CFAP44: variants seen among roughly 807,000 people sequenced by gnomAD.
The protein encoded by CFAP44 is cilia- and flagella-associated protein 44.
Under a neutral mutation model 216.2 loss-of-function variants are expected in CFAP44, and 134 were observed. That is an observed-to-expected ratio of 0.62 (90% CI 0.54 to 0.72). The LOEUF is 0.72. Ranked by LOEUF, CFAP44 falls within the 30% of genes least tolerant of loss-of-function variation. The pLI is 0.00. For synonymous variants in CFAP44, 700 were observed against 727.6 expected, an observed-to-expected ratio of 0.96 and a Z score of 0.61; for missense variants, 2,035 against 2,182.1, an observed-to-expected ratio of 0.93 and a Z score of 1.34.
In CFAP44 at chr3:113,380,907, T is replaced by C. The variant is rs373556696; in HGVS notation, c.2044A>G (p.Lys682Glu). The C allele has an allele frequency of 6.3e-7, 1 of 1,578,240 alleles. No individual in the cohort carries two copies. The highest frequency in any genetic ancestry group is 1.4e-5 in the African/African-American group (1 of 73,416). ...TCAGGAATATTCCATACCAGAATCTTAGATTTGACACTTGAAAAATGGAAA... is the reference window on the plus strand; with the variant it reads ...TCAGGAATATTCCATACCAGAATCTCAGATTTGACACTTGAAAAATGGAAA... ...KCFHFSSVKS[K>E]ILRLIEIEKR... The change falls in exon 16 of 35, where the codon AAG becomes GAG. Residue 682 changes from lysine (K) to glutamate (E), a missense_variant. Around this residue, in one of 3 missense-constraint regions of CFAP44, gnomAD observed 1,883 missense variants for 2,023.7 expected, o/e 0.93. Transcript: ENST00000393845.
At chr3:113,385,867 C>A (rs1234441888) in intron 15 of CFAP44, among the ~76,000 whole-genome samples, 1 of 151,314 alleles carries the variant, frequency 6.6e-6, no homozygotes, top group Non-Finnish European at 1.5e-5. Flanking sequence ...TTGTCTCAAA[C>A]TCCTGACCTC....
At chr3:113,366,823 C>T (rs535823269) in intron 18 of CFAP44, among the ~76,000 whole-genome samples, 2 of 152,332 alleles carry the variant, frequency 1.3e-5, no homozygotes, top group South Asian at 2.1e-4. Context: ...GAAACTGTGA[C>T]AGACTGTACC....
intron 12 of CFAP44, among the ~76,000 whole-genome samples, 198 bp from the exon 13 acceptor site, chr3:113,400,198 T>C (rs1396380874): frequency 1.3e-5 from 2 of 152,148 alleles, no homozygotes; most frequent in Admixed American, 1.3e-4. Context: ...AAACAGATGA[T>C]TGACTGCTGG....
intron 11 of CFAP44, 58 bp from the exon 12 acceptor site, chr3:113,400,702 T>C (rs1306367193): frequency 1.4e-6 from 2 of 1,460,940 alleles, no homozygotes; most frequent in African/African-American, 1.4e-5. Flanking sequence ...AGAATTAAGA[T>C]CAAGTTTAAA....
chr3:113,304,107 A>G lies in CFAP44; in HGVS notation c.4886T>C (p.Val1629Ala). The G allele has an allele frequency of 6.5e-7, 1 of 1,536,996 alleles. No individual in the cohort carries two copies. The highest frequency in any genetic ancestry group is 8.7e-7 in the Non-Finnish European group (1 of 1,146,746). ...ATCGCTAGGTATTTCTCCAAATACCACATACTCTATCTACAAGCATAAAAC... is the reference window on the plus strand; with the variant it reads ...ATCGCTAGGTATTTCTCCAAATACCGCATACTCTATCTACAAGCATAAAAC... The part of the protein sequence containing the change: ...IPLKLHQIEY[V>A]VFGEIPSDLS... Residue 1629 changes from valine to alanine, a missense_variant, in exon 32 of 35, where the codon GTG (valine) becomes GCG (alanine). Physicochemically the swap from Val to Ala is moderately conservative, Grantham distance 64 (BLOSUM62 0). Transcript: ENST00000393845.
intron 24 of CFAP44, among the ~76,000 whole-genome samples, chr3:113,335,736 G>T (rs77337079): frequency 0.091 from 13,898 of 152,154 alleles, 841 homozygotes; most frequent in African/African-American, 0.16. Flanking sequence ...CAATCCTCTT[G>T]TCCTAATTGA....
chr3:113,396,543 C>G lies in CFAP44; in HGVS notation c.1754G>C (p.Arg585Pro). Residue 585 changes from arginine to proline, a missense_variant, in exon 14 of 35, where the codon CGT becomes CCT. Arg to Pro is a moderately radical substitution (Grantham distance 103, BLOSUM62 -2). Transcript: ENST00000393845. ...TACVTALAYE[R>P]DGEILATGSK... ...CCCTGTGGCTAGAATTTCCCCATCA[C>G]GTTCATAAGCTAAAGCAGTGACACA... 1.2e-6 allele frequency: 2 copies of G among 1,614,090 alleles called. No individual in the cohort carries two copies. Among genetic ancestry groups the G allele is most frequent in the Middle Eastern group, 3.3e-4 (2 of 6,062 alleles).
At chr3:113,376,871 G>A (rs773833370) in intron 17 of CFAP44, among the ~76,000 whole-genome samples, 1 of 152,156 alleles carries the variant, frequency 6.6e-6, no homozygotes, top group Admixed American at 6.6e-5. Context: ...GAATAGAAAA[G>A]ACAGAAACTG....
At chr3:113,326,877 C>T (rs1048303373) in intron 27 of CFAP44, among the ~76,000 whole-genome samples, 14 of 152,046 alleles carry the variant, frequency 9.2e-5, no homozygotes, top group Non-Finnish European at 2.9e-5. Flanking sequence ...TGCTAAGCAT[C>T]CCCCCAAAAT....
At chr3:113,352,194 A>T (rs190941170) in intron 22 of CFAP44, among the ~76,000 whole-genome samples, 1 of 152,290 alleles carries the variant, frequency 6.6e-6, no homozygotes, top group East Asian at 1.9e-4. Context: ...GTAAATGCAC[A>T]ATCAGCACTC....
chr3:113,384,215 C>T lies in CFAP44; in HGVS notation c.1891-3155G>A, dbSNP rs542947623. Among the ~76,000 whole-genome samples, 131 of 152,152 alleles carry T rather than the reference C, an allele frequency of 8.6e-4. 1 individual carries two copies. The highest frequency in any genetic ancestry group is 2.9e-3 in the African/African-American group (121 of 41,512). On this transcript the variant is annotated intron_variant, in intron 15 of 34. Transcript: ENST00000393845. ...GTGGGACTGCAGGTGCCCGCCACCA[C>T]GCCTGGGTAATTTTTTTGTATTTTT...
chr3:113,338,931 G>A (rs560890332), intron 24 of CFAP44, among the ~76,000 whole-genome samples: 2 of 152,252 alleles, frequency 1.3e-5, no homozygotes, highest in African/African-American at 2.4e-5. Flanking sequence ...TCTGCTGGGG[G>A]TGCCTCTGAG....
chr3:113,416,189 T>A (rs201754449), intron 6 of CFAP44, among the ~76,000 whole-genome samples: 1 of 40,614 alleles, frequency 2.5e-5, no homozygotes. Flanking sequence ...TGTTTTTTTG[T>A]TTTTTTTTCC....
intron 22 of CFAP44, among the ~76,000 whole-genome samples, chr3:113,356,518 T>TAAAGAGTTC (rs948718182): frequency 1.3e-5 from 2 of 152,106 alleles, no homozygotes; most frequent in African/African-American, 4.8e-5. Context: ...TGAGATAGAA[T>TAAAGAGTTC]AAAGAGTTCA....
intron 1 of CFAP44, among the ~76,000 whole-genome samples, chr3:113,439,043 G>A (rs1412721689): frequency 6.6e-6 from 1 of 152,224 alleles, no homozygotes; most frequent in African/African-American, 2.4e-5. Context: ...CTTTAAGGCA[G>A]TCGAAGTTTG....
chr3:113,394,174 G>A (rs944315298), intron 15 of CFAP44, among the ~76,000 whole-genome samples: 2 of 152,140 alleles, frequency 1.3e-5, no homozygotes, highest in Non-Finnish European at 2.9e-5. Context: ...ATTGACATTA[G>A]TATAGAATGT....
At chr3:113,390,138 A>G (rs1275727277) in intron 15 of CFAP44, among the ~76,000 whole-genome samples, 1 of 152,178 alleles carries the variant, frequency 6.6e-6, no homozygotes, top group African/African-American at 2.4e-5. Context: ...CATTAAAAAG[A>G]TCATTCATCA....
In CFAP44 at chr3:113,386,505, A is replaced by G. The variant is rs140559990; in HGVS notation, c.1891-5445T>C. On this transcript the variant is annotated intron_variant, in intron 15 of 34. Coordinates refer to ENST00000393845, the MANE Select transcript of CFAP44 (RefSeq NM_001164496.2). ...AGAAGATCAAGTTCAAAAGCATATT[A>G]CATGAAACAGTGAAGAACAAAGAAG... is the stretch of plus-strand genomic sequence containing the variant. Among the ~76,000 whole-genome samples the G allele has an allele frequency of 4.6e-3, 697 of 152,320 alleles. 2 individuals carry two copies. The highest frequency in any genetic ancestry group is 7.8e-3 in the Non-Finnish European group (530 of 68,036).
intron 22 of CFAP44, among the ~76,000 whole-genome samples, chr3:113,352,778 AC>A (rs1414906229): frequency 6.6e-6 from 1 of 152,174 alleles, no homozygotes; most frequent in East Asian, 1.9e-4. Context: ...GAAATGCTGA[AC>A]CCCACCAATA....
Sources: gnomAD v4.1 joint callset for allele counts (sites outside exome capture counted in the v4.1 genomes callset) on GRCh38, gnomAD v4.1.1 for gene constraint, gnomAD v4.1.1 regional missense constraint, MANE v1.5 for transcripts, NCBI Gene and HGNC (gene_info 2026-07-23, HGNC 2026-07-21) for gene names.